The following NT5DC3 variants were observed in gnomAD, a reference collection of about 807,000 sequenced individuals.
NT5DC3 encodes 5'-nucleotidase domain containing 3, also known as 5'-nucleotidase domain-containing protein 3.
Under a neutral mutation model 67.8 loss-of-function variants are expected in NT5DC3, and 42 were observed. That is an observed-to-expected ratio of 0.62 (90% CI 0.48 to 0.80). The LOEUF (loss-of-function observed/expected upper bound fraction) is 0.80. Ranked by LOEUF, NT5DC3 falls within the 30% of genes least tolerant of loss-of-function variation. The probability of loss-of-function intolerance (pLI) is 0.00; values close to 1 mark genes in which losing one functional copy is unlikely to be tolerated. For synonymous variants in NT5DC3, 237 were observed against 255.6 expected (o/e 0.93, Z 0.69); for missense variants, 570 against 696.4 (o/e 0.82, Z 2.04).
chr12:103,785,069 A>G (rs954506494), intron 12 of NT5DC3, among the ~76,000 whole-genome samples: 2 of 152,180 alleles, frequency 1.3e-5, no homozygotes, highest in African/African-American at 4.8e-5. Flanking sequence ...CCTGAATCCC[A>G]GCATCCCACA....
At chr12:103,762,158 T>C in the NT5DC3 span, 2 of 1,419,554 alleles carry the variant, frequency 1.4e-6, no homozygotes, top group Non-Finnish European at 9.6e-7. Flanking sequence ...AGATACATGT[T>C]AACATGTCAG....
chr12:103,758,206 C>T, the NT5DC3 span: 89 of 1,614,120 alleles, frequency 5.5e-5, no homozygotes, highest in Admixed American at 3.3e-4. Flanking sequence ...AGCTCGAGGC[C>T]GTGCATTTCT....
At chr12:103,754,586 G>A in the NT5DC3 span, among the ~76,000 whole-genome samples, 1 of 152,106 alleles carries the variant, frequency 6.6e-6, no homozygotes, top group African/African-American at 2.4e-5. Context: ...TGATAATGGT[G>A]GTGGTGATGA....
At chr12:103,811,322 G>C (rs55987022) in intron 2 of NT5DC3, among the ~76,000 whole-genome samples, 14,526 of 152,010 alleles carry the variant, frequency 0.096, 963 homozygotes, top group East Asian at 0.29. Context: ...AGCCTCATCT[G>C]GGGGAAGAAA....
At chr12:103,813,253 A>C (rs1327723635) in intron 2 of NT5DC3, among the ~76,000 whole-genome samples, 2 of 152,254 alleles carry the variant, frequency 1.3e-5, no homozygotes, top group Non-Finnish European at 2.9e-5. Flanking sequence ...GCAGGAACCA[A>C]GGTCAGAACC....
At chr12:103,806,789 G>T in intron 3 of NT5DC3, 66 bp downstream of exon 3, 2 of 1,055,166 alleles carry the variant, frequency 1.9e-6, no homozygotes, top group Non-Finnish European at 1.5e-6. Context: ...GTAAAGAAAA[G>T]TACCAACAGT....
intron 2 of NT5DC3, among the ~76,000 whole-genome samples, chr12:103,810,197 C>A (rs578094523): frequency 6.6e-6 from 1 of 152,216 alleles, no homozygotes; most frequent in African/African-American, 2.4e-5. Flanking sequence ...AAGGCCTCTT[C>A]TAGTCGAACC....
chr12:103,748,920 A>G, the NT5DC3 span: 1 of 1,581,732 alleles, frequency 6.3e-7, no homozygotes, highest in Non-Finnish European at 8.6e-7. Context: ...CCCTAGTTCC[A>G]CAGAAGGTGG....
At chr12:103,795,353 T>A (rs901070000) in intron 6 of NT5DC3, among the ~76,000 whole-genome samples, 2 of 152,194 alleles carry the variant, frequency 1.3e-5, no homozygotes, top group African/African-American at 4.8e-5. Context: ...TACTAAGCTC[T>A]ACACAAGTAT....
Position 103,787,453 on chromosome 12 carries a change from G to A in NT5DC3, c.1176C>T (p.Tyr392=). The change falls in exon 11 of 14, where the codon TAC becomes TAT. Residue 392 remains tyrosine (Y), a synonymous_variant. Transcript: ENST00000392876. The stretch of plus-strand genomic sequence containing the variant: ...AAGGGCCCCTCACCGCCAGGTCACT[G>A]TATATATGGTCACCAAAATACAACA... ...SRVLYFGDHI[Y]SDLADLTLKH... is the part of the protein sequence containing the mutation. 6.3e-7 allele frequency: 1 copy of A among 1,598,648 alleles called. No individual in the cohort carries two copies. The highest frequency in any genetic ancestry group is 1.7e-4 in the Middle Eastern group (1 of 5,992).
chr12:103,831,655 G>A lies in NT5DC3; in HGVS notation c.208+9294C>T, dbSNP rs190660773. ...TAGGAGAGTCTCCAACAGTGTGTGTGTGTGCGCCCAATGCCTAGTCTTCCC... is the reference window on the plus strand; with the variant it reads ...TAGGAGAGTCTCCAACAGTGTGTGTATGTGCGCCCAATGCCTAGTCTTCCC... On this transcript the variant is annotated intron_variant, in intron 1 of 13. Coordinates refer to ENST00000392876, the MANE Select transcript of NT5DC3 (RefSeq NM_001031701.3). Among the ~76,000 whole-genome samples, 682 of 152,168 alleles carry A rather than the reference G, an allele frequency of 4.5e-3. 1 individual carries two copies. The highest frequency in any genetic ancestry group is 7.7e-3 in the Non-Finnish European group (522 of 68,010).
At chr12:103,828,686 TTTTTTC>T (rs1159384770) in intron 1 of NT5DC3, among the ~76,000 whole-genome samples, 3 of 148,522 alleles carry the variant, frequency 2.0e-5, no homozygotes, top group Non-Finnish European at 3.0e-5. Context: ...CTCTCCTGCA[TTTTTTC>T]TTTCTTTTTA....
At chr12:103,818,368 T>C (rs888899205) in intron 1 of NT5DC3, among the ~76,000 whole-genome samples, 2 of 151,722 alleles carry the variant, frequency 1.3e-5, no homozygotes, top group Non-Finnish European at 2.9e-5. Context: ...ATCAATGAGA[T>C]AACGACCATG....
chr12:103,804,339 G>A (rs1037741566), intron 4 of NT5DC3, among the ~76,000 whole-genome samples: 1 of 152,098 alleles, frequency 6.6e-6, no homozygotes, highest in Non-Finnish European at 1.5e-5. Flanking sequence ...GCCTGCAAGG[G>A]GTATACCCAT....
At chr12:103,798,044 A>G (rs1426081597) in intron 5 of NT5DC3, among the ~76,000 whole-genome samples, 3 of 152,224 alleles carry the variant, frequency 2.0e-5, no homozygotes, top group African/African-American at 7.2e-5. Context: ...AATTCTAAGT[A>G]GAATCATTGT....
chr12:103,800,101 C>A (rs1246393935), intron 4 of NT5DC3, among the ~76,000 whole-genome samples: 1 of 152,188 alleles, frequency 6.6e-6, no homozygotes, highest in Non-Finnish European at 1.5e-5. Context: ...GCTTAGCATA[C>A]AAAACCACAT....
At chr12:103,818,849 A>G (rs546783923) in intron 1 of NT5DC3, among the ~76,000 whole-genome samples, 12 of 152,304 alleles carry the variant, frequency 7.9e-5, no homozygotes, top group East Asian at 5.8e-4. Flanking sequence ...ATATAAATCA[A>G]TGGGCCATTG....
intron 12 of NT5DC3, among the ~76,000 whole-genome samples, chr12:103,781,448 C>A (rs918724691): frequency 2.0e-5 from 3 of 152,228 alleles, no homozygotes; most frequent in Non-Finnish European, 4.4e-5. Flanking sequence ...ACTCGGCCAC[C>A]CTTCGGGCCT....
chr12:103,832,751 T>G (rs1398076108), intron 1 of NT5DC3, among the ~76,000 whole-genome samples: 1 of 152,222 alleles, frequency 6.6e-6, no homozygotes, highest in Non-Finnish European at 1.5e-5. Flanking sequence ...CATGCTGAGT[T>G]CTGCCTCCAT....
Sources: gnomAD v4.1 joint callset for allele counts (sites outside exome capture counted in the v4.1 genomes callset) on GRCh38, gnomAD v4.1.1 for gene constraint, MANE v1.5 for transcripts, NCBI Gene and HGNC (gene_info 2026-07-23, HGNC 2026-07-21) for gene names.